The following TMEM108 variants were observed in gnomAD, a reference collection of about 807,000 sequenced individuals.
TMEM108 encodes the protein transmembrane protein 108, also known as cancer/testis antigen 124.
A neutral mutation model predicts 35.1 loss-of-function variants in TMEM108; 12 were observed. The observed-to-expected ratio is 0.34, with a 90% CI of 0.22 to 0.55. The LOEUF is 0.55. TMEM108 is among the 20% of genes least tolerant of loss of function. The probability of loss-of-function intolerance (pLI) is 0.89; values close to 1 mark genes in which losing one functional copy is unlikely to be tolerated. For synonymous variants in TMEM108, 287 were observed against 308.6 expected, an observed-to-expected ratio of 0.93 and a Z score of 0.73; for missense variants, 680 against 753.3, an observed-to-expected ratio of 0.90 and a Z score of 1.14.
intron 3 of TMEM108, among the ~76,000 whole-genome samples, chr3:133,288,849 T>C (rs1465253700): frequency 6.6e-6 from 1 of 152,110 alleles, no homozygotes; most frequent in Admixed American, 6.6e-5. Flanking sequence ...AATTTTCCTG[T>C]CTCAGCCTCC....
chr3:133,170,250 T>A (rs1228800534), intron 2 of TMEM108, among the ~76,000 whole-genome samples: 1 of 152,190 alleles, frequency 6.6e-6, no homozygotes, highest in Non-Finnish European at 1.5e-5. Flanking sequence ...TCCCATAATA[T>A]TCACATTGTC....
At chr3:133,326,157 G>C (rs1408656458) in intron 3 of TMEM108, among the ~76,000 whole-genome samples, 2 of 152,130 alleles carry the variant, frequency 1.3e-5, no homozygotes, top group Non-Finnish European at 2.9e-5. Flanking sequence ...GGAATTTACT[G>C]ACCACCTGCC....
At chr3:133,090,733 T>C (rs1209925423) in intron 2 of TMEM108, among the ~76,000 whole-genome samples, 1 of 152,166 alleles carries the variant, frequency 6.6e-6, no homozygotes, top group Non-Finnish European at 1.5e-5. Flanking sequence ...ATAATTTACA[T>C]GCATATAGGG....
At chr3:133,227,226 G>A (rs1181706992) in intron 2 of TMEM108, among the ~76,000 whole-genome samples, 11 of 117,620 alleles carry the variant, frequency 9.4e-5, no homozygotes, top group Admixed American at 5.7e-4. Flanking sequence ...ACAGAGTCTC[G>A]CTGTCGCCCA....
chr3:133,264,316 T>A (rs1320996784), intron 3 of TMEM108, among the ~76,000 whole-genome samples: 1 of 148,326 alleles, frequency 6.7e-6, no homozygotes, highest in African/African-American at 2.5e-5. Flanking sequence ...AAAAAAAAAA[T>A]TCACCCGAAG....
chr3:133,180,752 T>C (rs1217250026), intron 2 of TMEM108, among the ~76,000 whole-genome samples: 1 of 152,100 alleles, frequency 6.6e-6, no homozygotes, highest in African/African-American at 2.4e-5. Flanking sequence ...TGATAGTGAT[T>C]GTTGGAGCCC....
chr3:133,116,973 T>C (rs1432335589), intron 2 of TMEM108, among the ~76,000 whole-genome samples: 2 of 152,180 alleles, frequency 1.3e-5, no homozygotes, highest in Non-Finnish European at 2.9e-5. Context: ...TTTCACCATG[T>C]TGGCCAGGCT....
intron 1 of TMEM108, chr3:133,041,846 A>G (rs1243845587): frequency 1.3e-5 from 2 of 152,248 alleles, no homozygotes; most frequent in Non-Finnish European, 2.9e-5. Context: ...TTAAACCTGA[A>G]CAGTAGCTGG....
chr3:133,325,243 G>A (rs779466206), intron 3 of TMEM108, among the ~76,000 whole-genome samples: 1 of 152,174 alleles, frequency 6.6e-6, no homozygotes, highest in Non-Finnish European at 1.5e-5. Flanking sequence ...TGGGAAAGTA[G>A]ACATCATATG....
chr3:133,329,127 C>T (rs2071364547), intron 3 of TMEM108, among the ~76,000 whole-genome samples: 1 of 151,818 alleles, frequency 6.6e-6, no homozygotes, highest in African/African-American at 2.4e-5. Flanking sequence ...GTGACATGCA[C>T]ATGTCTAGGA....
chr3:133,183,131 A>G (rs1322747231), intron 2 of TMEM108, among the ~76,000 whole-genome samples: 2 of 152,202 alleles, frequency 1.3e-5, no homozygotes, highest in African/African-American at 2.4e-5. Context: ...TCACGTTGAC[A>G]TTCAAAAAAT....
chr3:133,070,745 A>G (rs62293067), intron 2 of TMEM108, among the ~76,000 whole-genome samples: 34 of 148,418 alleles, frequency 2.3e-4, no homozygotes, highest in South Asian at 2.2e-3. Flanking sequence ...TCTCTGATGT[A>G]TGTGTGTGTG....
chr3:133,345,347 A>G (rs2071784448), intron 3 of TMEM108, among the ~76,000 whole-genome samples: 1 of 151,896 alleles, frequency 6.6e-6, no homozygotes, highest in African/African-American at 2.4e-5. Context: ...TTACAGAAAA[A>G]TTATTTGATA....
intron 3 of TMEM108, among the ~76,000 whole-genome samples, chr3:133,359,846 A>C (rs1225109848): frequency 6.6e-6 from 1 of 152,182 alleles, no homozygotes; most frequent in Admixed American, 6.5e-5. Flanking sequence ...TATTTTCCCA[A>C]GATAAATGAA....
intron 2 of TMEM108, among the ~76,000 whole-genome samples, chr3:133,183,812 G>A (rs571812152): frequency 6.6e-6 from 1 of 152,314 alleles, no homozygotes; most frequent in East Asian, 1.9e-4. Context: ...CATCATAACA[G>A]ATGTTAGGGC....
intron 2 of TMEM108, among the ~76,000 whole-genome samples, chr3:133,056,624 T>TG (rs1559818084): frequency 6.6e-6 from 1 of 152,172 alleles, no homozygotes; most frequent in East Asian, 1.9e-4. Context: ...CAGTTCGTGG[T>TG]TAGCCATTCT....
At chr3:133,230,327 G>T (rs1157139120) in intron 3 of TMEM108, among the ~76,000 whole-genome samples, 1 of 152,138 alleles carries the variant, frequency 6.6e-6, no homozygotes, top group East Asian at 1.9e-4. Context: ...CAGCATTCTG[G>T]CCGGGCGTTT....
chr3:133,334,203 A>G (rs2071446991), intron 3 of TMEM108, among the ~76,000 whole-genome samples: 1 of 152,158 alleles, frequency 6.6e-6, no homozygotes, highest in Non-Finnish European at 1.5e-5. Flanking sequence ...TCTAGGATTA[A>G]TTTGACGAAT....
rs548279323 is a variant in TMEM108, at chr3:133,378,636, G to A, written c.41-1116G>A. 14 of 686,912 alleles carry A rather than the reference G, an allele frequency of 2.0e-5. No homozygotes were observed. In the South Asian group the frequency reaches 2.6e-4, roughly 13 times the overall value. The allele number at this position is 686,912 out of a possible 1,614,324, so 42.6% of individuals were successfully genotyped here. ...TCTTCCCAACCCATGTGTTGTCAAC[G>A]GCTCCTACATGTCATGCTTGCATGA... On this transcript the variant is annotated intron_variant, in intron 3 of 5. Transcript: ENST00000321871.
Sources: gnomAD v4.1 joint callset for allele counts (sites outside exome capture counted in the v4.1 genomes callset) on GRCh38, gnomAD v4.1.1 for gene constraint, MANE v1.5 for transcripts, NCBI Gene and HGNC (gene_info 2026-07-23, HGNC 2026-07-21) for gene names.